The following APOL1 variants were observed in gnomAD, a reference collection of about 807,000 sequenced individuals.
APOL1 encodes the protein apolipoprotein L 1.
In APOL1, 17 loss-of-function variants were observed where a neutral mutation model predicts 14.9. The observed-to-expected ratio is 1.14, with a 90% confidence interval of 0.78 to 1.71. The LOEUF (loss-of-function observed/expected upper bound fraction) is 1.71. APOL1 is among the 40% of genes most tolerant of loss of function. The pLI, the probability that APOL1 is intolerant of heterozygous loss-of-function variation, is 0.00. For missense variants in APOL1, 523 were observed against 485.9 expected, an observed-to-expected ratio of 1.08 and a Z score of -0.72; for synonymous variants, 195 against 184.8, an observed-to-expected ratio of 1.05 and a Z score of -0.45.
intron 3 of APOL1, 81 bp downstream of exon 3, chr22:36,257,217 C>T: frequency 1.2e-6 from 2 of 1,606,570 alleles, no homozygotes; most frequent in South Asian, 1.1e-5. Flanking sequence ...GTGTTTGCTT[C>T]CACCCCAGAG....
At position 36,267,471 on chromosome 22, in the gene APOL1, T is replaced by C. The variant is rs2016310627; in HGVS notation, c.*1438T>C. The C allele has an allele frequency of 6.7e-6, 1 of 150,036 alleles. No individual in the cohort carries two copies. The highest frequency in any genetic ancestry group is 1.5e-5 in the Non-Finnish European group (1 of 67,362). The allele number at this position is 150,036 out of a possible 1,614,324, so 9.3% of individuals were successfully genotyped here. A position where few individuals can be genotyped will look rare whatever the true frequency, so the allele number is the denominator to read the frequency against. On this transcript the variant is annotated 3_prime_UTR_variant, in exon 6 of 6. Transcript: ENST00000397278. ...AGCTCAGATCTCTAGAGCTGTCTTG[T>C]CGCCGCCCAGGATTGACCTGTGTGT... is the stretch of plus-strand genomic sequence containing the variant.
In APOL1 at chr22:36,262,768, C is replaced by T. The variant is rs576987911; in HGVS notation, c.314+1046C>T. Among the ~76,000 whole-genome samples the T allele has an allele frequency of 2.0e-5, 3 of 152,336 alleles. No individual in the cohort carries two copies. In the East Asian group the frequency reaches 5.8e-4, roughly 29 times the overall value. On this transcript the variant is annotated intron_variant, in intron 5 of 5. Coordinates refer to ENST00000397278, the MANE Select transcript of APOL1 (RefSeq NM_003661.4). ...ATGGTTGCCTGTGTCTCTCACACCA[C>T]GCCTTGGAACTGGCAAGTTCTGGGC...
rs1024937648 is a variant in APOL1 at position 36,253,211 on chromosome 22, G to A, written c.-28G>A. 1.1e-5 allele frequency: 5 copies of A among 475,690 alleles called. No individual in the cohort carries two copies. The highest frequency in any genetic ancestry group is 4.4e-5 in the Admixed American group (2 of 45,152). The allele number at this position is 475,690 out of a possible 1,614,324, so 29.5% of individuals were successfully genotyped here. On this transcript the variant is annotated 5_prime_UTR_variant, in exon 1 of 6. Coordinates refer to ENST00000397278, the MANE Select transcript of APOL1 (RefSeq NM_003661.4). Reference sequence around the variant, plus strand: ...TCTTGCTCAGTCTCTGCCAGGGGAAGATTCCTTGGTAAGTTGGGGACAGTT... The same window carrying A: ...TCTTGCTCAGTCTCTGCCAGGGGAAAATTCCTTGGTAAGTTGGGGACAGTT...
rs2016298537 is a variant in APOL1, at chr22:36,267,099, T to G, written c.*1066T>G. 1 of 152,200 alleles carries G rather than the reference T, an allele frequency of 6.6e-6. No individual in the cohort carries two copies. Among genetic ancestry groups the G allele is most frequent in the African/African-American group, 2.4e-5 (1 of 41,388 alleles). 9.4% of individuals were successfully genotyped at this position (152,200 alleles called of 1,614,324 possible). On this transcript the variant is annotated 3_prime_UTR_variant, in exon 6 of 6. Transcript: ENST00000397278. Reference sequence around the variant, plus strand: ...GTTCAATGTCCTCCGAAGAATGAAGTCTTTCCCTGGTGATGGTCCCCTGCC... The same window carrying G: ...GTTCAATGTCCTCCGAAGAATGAAGGCTTTCCCTGGTGATGGTCCCCTGCC...
chr22:36,261,915 G>A (rs2016089081), intron 5 of APOL1, among the ~76,000 whole-genome samples, 193 bp downstream of exon 5: 1 of 152,202 alleles, frequency 6.6e-6, no homozygotes, highest in Non-Finnish European at 1.5e-5. Flanking sequence ...TCAGGCTGAG[G>A]GGATAGGAAG....
At chr22:36,253,615 T>C (rs1232925979) in intron 1 of APOL1, among the ~76,000 whole-genome samples, 1 of 152,204 alleles carries the variant, frequency 6.6e-6, no homozygotes, top group African/African-American at 2.4e-5. Flanking sequence ...CCCAGGGTGC[T>C]GCTGCTGAGG....
In APOL1 at chr22:36,258,968, C is replaced by T. The variant is rs114394732; in HGVS notation, c.187+1561C>T. On this transcript the variant is annotated intron_variant, in intron 4 of 5. Coordinates refer to ENST00000397278, the MANE Select transcript of APOL1 (RefSeq NM_003661.4). ...GTTTGTCAGGATCCTGTGGGCCCAT[C>T]CCCTCCCCCTGTCCCTACAGGTGGT... 3.9e-3 allele frequency among the ~76,000 whole-genome samples: 590 copies of T among 152,264 alleles called. 9 individuals are homozygous for T. The highest frequency in any genetic ancestry group is 0.014 in the African/African-American group (563 of 41,556).
chr22:36,255,472 C>T (rs1367545575), intron 2 of APOL1, among the ~76,000 whole-genome samples: 3 of 152,168 alleles, frequency 2.0e-5, no homozygotes, highest in Non-Finnish European at 4.4e-5. Flanking sequence ...TTGTCCCTTA[C>T]AGCAAGAAGG....
chr22:36,258,762 C>A (rs958116624), intron 4 of APOL1, among the ~76,000 whole-genome samples: 3 of 151,976 alleles, frequency 2.0e-5, no homozygotes, highest in African/African-American at 7.3e-5. Context: ...GTGGGGATTT[C>A]TTGGAATTGG....
intron 5 of APOL1, among the ~76,000 whole-genome samples, chr22:36,264,089 G>C (rs1257863917): frequency 6.6e-6 from 1 of 152,170 alleles, no homozygotes; most frequent in African/African-American, 2.4e-5. Flanking sequence ...GCGCCTAGTG[G>C]AGAAGAGGCT....
Position 36,266,661 on chromosome 22 carries a change from T to A in APOL1, c.*628T>A. The A allele has an allele frequency of 2.6e-6, 1 of 388,794 alleles. No individual in the cohort carries two copies. Among genetic ancestry groups the A allele is most frequent in the Non-Finnish European group, 4.6e-6 (1 of 219,454 alleles). 24.1% of individuals were successfully genotyped at this position (388,794 alleles called of 1,614,324 possible). A position where few individuals can be genotyped will look rare whatever the true frequency, so the allele number is the denominator to read the frequency against. On this transcript the variant is annotated 3_prime_UTR_variant, in exon 6 of 6. Transcript: ENST00000397278. ...TGGCTCATGCCTGTAATCCGAGCAC[T>A]TTGGGAGGCCAAGGCGGGCGGATCA...
chr22:36,259,681 C>G lies in APOL1; in HGVS notation c.188-1915C>G. On this transcript the variant is annotated intron_variant, in intron 4 of 5. Transcript: ENST00000397278. ...GGTTTAATAACAGGCCCAGCTGGGT[C>G]CAGAGGTGACAGTGGAGAGCCGTGT... is the stretch of plus-strand genomic sequence containing the variant. 3 of 1,302,962 alleles carry G rather than the reference C, an allele frequency of 2.3e-6. No individual in the cohort carries two copies. The South Asian group carries it at 3.7e-5, about 16-fold the overall frequency. 80.7% of individuals were successfully genotyped at this position (1,302,962 alleles called of 1,614,324 possible).
At chr22:36,263,253 A>G (rs80424) in intron 5 of APOL1, among the ~76,000 whole-genome samples, 20 of 152,110 alleles carry the variant, frequency 1.3e-4, no homozygotes, top group Admixed American at 7.2e-4. Flanking sequence ...AGTGGCCAGA[A>G]CCAGTAGCCT....
In APOL1 at chr22:36,256,272, G is replaced by A. The variant is rs1007793724; in HGVS notation, c.45-811G>A. Among the ~76,000 whole-genome samples, 8 of 152,222 alleles carry A rather than the reference G, an allele frequency of 5.3e-5. No homozygotes were observed. In the East Asian group the frequency reaches 1.2e-3, roughly 22 times the overall value. On this transcript the variant is annotated intron_variant, in intron 2 of 5. Coordinates refer to ENST00000397278, the MANE Select transcript of APOL1 (RefSeq NM_003661.4). The stretch of plus-strand genomic sequence containing the variant: ...TATACTGCTAGTTTGAGTGTGAATT[G>A]GTACAATTTGCCTGCAGTGTGGCTC...
At chr22:36,253,267 T>G (rs1205192343) in intron 1 of APOL1, 48 bp downstream of exon 1, 2 of 366,376 alleles carry the variant, frequency 5.5e-6, no homozygotes, top group Non-Finnish European at 1.1e-5. Context: ...TCACAGCTTT[T>G]GTAGATAAGC....
At chr22:36,258,120 C>T (rs1040342949) in intron 4 of APOL1, among the ~76,000 whole-genome samples, 3 of 152,156 alleles carry the variant, frequency 2.0e-5, no homozygotes, top group African/African-American at 4.8e-5. Context: ...CTACTGGTCC[C>T]CTGTTGATTC....
At chr22:36,263,830 G>C (rs917672063) in intron 5 of APOL1, among the ~76,000 whole-genome samples, 6 of 152,218 alleles carry the variant, frequency 3.9e-5, no homozygotes, top group African/African-American at 1.4e-4. Context: ...GTGGGGGCGG[G>C]AGATGGAACA....
At position 36,266,165 on chromosome 22, in the gene APOL1, A is replaced by G. The variant is rs2016255645; in HGVS notation, c.*132A>G. ...GAGTGCAATGGTGCGATCTCAGCTC[A>G]CTGCAAGCTCTGCCTCCCGTGTTCA... is the stretch of plus-strand genomic sequence containing the variant. On this transcript the variant is annotated 3_prime_UTR_variant, in exon 6 of 6. Transcript: ENST00000397278. 3 of 1,033,704 alleles carry G rather than the reference A, an allele frequency of 2.9e-6. No individual in the cohort carries two copies. The African/African-American group carries it at 4.9e-5, about 17-fold the overall frequency. The allele number at this position is 1,033,704 out of a possible 1,614,324, so 64.0% of individuals were successfully genotyped here. A position where few individuals can be genotyped will look rare whatever the true frequency, so the allele number is the denominator to read the frequency against.
Position 36,265,483 on chromosome 22 carries a change from T to TC in APOL1, c.648dup (p.Thr217HisfsTer33). 6.2e-7 allele frequency: 1 copy of TC among 1,613,996 alleles called. No individual in the cohort carries two copies. The highest frequency in any genetic ancestry group is 1.7e-5 in the Admixed American group (1 of 60,008). On this transcript the variant is annotated frameshift_variant, in exon 6 of 6. Transcript: ENST00000397278. LOFTEE classifies it low-confidence loss of function (END_TRUNC). ...TTGGAACCTGGGATGGAGTTGGGAA[T>TC]CACAGCCGCTTTGACCGGGATTACC... is the stretch of plus-strand genomic sequence containing the variant.
Sources: gnomAD v4.1 joint callset for allele counts (sites outside exome capture counted in the v4.1 genomes callset) on GRCh38, gnomAD v4.1.1 for gene constraint, MANE v1.5 for transcripts, NCBI Gene and HGNC (gene_info 2026-07-23, HGNC 2026-07-21) for gene names.